Variants in LRFN5 observed in about 807,000 individuals in gnomAD.
The protein encoded by LRFN5 is leucine rich repeat and fibronectin type III domain containing 5, also known as leucine-rich repeat and fibronectin type-III domain-containing protein 5.
LRFN5 carries 24 observed loss-of-function variants against 45.6 expected under a neutral mutation model. The observed-to-expected ratio is 0.53, with a 90% CI of 0.38 to 0.74. The LOEUF (loss-of-function observed/expected upper bound fraction) is 0.74, where lower values mean the gene tolerates loss of function less well. LRFN5 is among the 30% of genes least tolerant of loss of function. LRFN5 has a pLI of 0.00. For synonymous variants in LRFN5, 340 were observed against 313.8 expected, an observed-to-expected ratio of 1.08 and a Z score of -0.88; for missense variants, 776 against 861.5, an observed-to-expected ratio of 0.90 and a Z score of 1.24.
intron 1 of LRFN5, among the ~76,000 whole-genome samples, chr14:41,723,911 C>T (rs6572108): frequency 0.23 from 34,436 of 152,128 alleles, 4,718 homozygotes; most frequent in South Asian, 0.4. Context: ...ATGTCCTGTT[C>T]TTGGTCCTGG....
At chr14:41,764,974 G>A (rs1411021075) in intron 1 of LRFN5, among the ~76,000 whole-genome samples, 2 of 152,068 alleles carry the variant, frequency 1.3e-5, no homozygotes, top group African/African-American at 4.8e-5. Flanking sequence ...TTACGCTTAT[G>A]GTAGATGTGC....
intron 2 of LRFN5, among the ~76,000 whole-genome samples, chr14:41,772,450 T>C (rs1439785829): frequency 6.6e-6 from 1 of 152,122 alleles, no homozygotes; most frequent in Non-Finnish European, 1.5e-5. Context: ...ACAAAAGCAA[T>C]ATGCTACCTA....
In LRFN5 at chr14:41,883,342, A is replaced by G. The variant is rs559957970; in HGVS notation, c.-20-3264A>G. On this transcript the variant is annotated intron_variant, in intron 2 of 5. Transcript: ENST00000298119. ...TATTTATTCCAGAAATACTATTTAT[A>G]AACACATTAAAATGCAATAAAATAT... Among the ~76,000 whole-genome samples, 6 of 108,074 alleles carry G rather than the reference A, an allele frequency of 5.6e-5. No individual in the cohort carries two copies. In the South Asian group the frequency reaches 2.3e-3, roughly 41 times the overall value. 70.9% of individuals were successfully genotyped at this position (108,074 alleles called of 152,430 possible).
At position 41,830,584 on chromosome 14, in the gene LRFN5, G is replaced by A. The variant is rs892969255; in HGVS notation, c.-20-56022G>A. ...GCTACTATAAATTTTGAAGAATAAA[G>A]AATGAATTATAGGAGATGAAGTCCA... is the stretch of plus-strand genomic sequence containing the variant. On this transcript the variant is annotated intron_variant, in intron 2 of 5. Coordinates refer to ENST00000298119, the MANE Select transcript of LRFN5 (RefSeq NM_152447.5). 4.6e-5 allele frequency among the ~76,000 whole-genome samples: 7 copies of A among 152,118 alleles called. 1 individual carries two copies. In the East Asian group the frequency reaches 1.3e-3, roughly 29 times the overall value.
chr14:41,673,983 C>T lies in LRFN5; in HGVS notation c.-197+65421C>T, dbSNP rs377627605. Among the ~76,000 whole-genome samples, 210 of 146,270 alleles carry T rather than the reference C, an allele frequency of 1.4e-3. 8 individuals carry two copies. In the East Asian group the frequency reaches 0.036, roughly 25 times the overall value. Reference sequence around the variant, plus strand: ...CCTCCCTCCCGGACGGGGTGGCTGCCGGGCGGAGACGCTGCTCACTTCCCA... The same window carrying T: ...CCTCCCTCCCGGACGGGGTGGCTGCTGGGCGGAGACGCTGCTCACTTCCCA... On this transcript the variant is annotated intron_variant, in intron 1 of 5. Coordinates refer to ENST00000298119, the MANE Select transcript of LRFN5 (RefSeq NM_152447.5).
intron 1 of LRFN5, among the ~76,000 whole-genome samples, chr14:41,715,907 T>C (rs1411449325): frequency 6.6e-6 from 1 of 152,206 alleles, no homozygotes; most frequent in Non-Finnish European, 1.5e-5. Context: ...ATGAGGGCCC[T>C]GCCCCTGCAG....
Position 41,819,647 on chromosome 14 carries a change from A to G in LRFN5, c.-21+52618A>G, listed in dbSNP as rs78557424. Among the ~76,000 whole-genome samples, 878 of 152,182 alleles carry G rather than the reference A, an allele frequency of 5.8e-3. 12 individuals are homozygous for G. The highest frequency in any genetic ancestry group is 0.02 in the African/African-American group (838 of 41,544). ...AAGGCAAAGTGAGAGCAGGCATCTC[A>G]TGGCCAGAGCAGGAGAAAGAGAGAG... On this transcript the variant is annotated intron_variant, in intron 2 of 5. Transcript: ENST00000298119.
chr14:41,889,012 T>C (rs952078866), intron 3 of LRFN5, among the ~76,000 whole-genome samples: 1 of 149,738 alleles, frequency 6.7e-6, no homozygotes, highest in Non-Finnish European at 1.5e-5. Context: ...CATATATATA[T>C]GTGTGTGTAT....
chr14:41,775,458 T>C (rs1461413899), intron 2 of LRFN5, among the ~76,000 whole-genome samples: 1 of 152,176 alleles, frequency 6.6e-6, no homozygotes, highest in Non-Finnish European at 1.5e-5. Context: ...CATAAATCCA[T>C]AATAAGAATC....
chr14:41,729,563 C>T (rs1269320023), intron 1 of LRFN5, among the ~76,000 whole-genome samples: 1 of 152,044 alleles, frequency 6.6e-6, no homozygotes, highest in Non-Finnish European at 1.5e-5. Context: ...TCCTCATTTT[C>T]ATAAACAATC....
intron 2 of LRFN5, among the ~76,000 whole-genome samples, chr14:41,803,512 A>G (rs1420381012): frequency 1.3e-5 from 2 of 148,902 alleles, no homozygotes; most frequent in Admixed American, 6.8e-5. Context: ...CCTTTGTGCC[A>G]GGATAGTTTT....
intron 1 of LRFN5, among the ~76,000 whole-genome samples, chr14:41,678,455 T>C (rs1263668608): frequency 6.6e-6 from 1 of 151,990 alleles, no homozygotes; most frequent in Non-Finnish European, 1.5e-5. Flanking sequence ...TAGTTGGGGA[T>C]TTCAATACCC....
intron 2 of LRFN5, among the ~76,000 whole-genome samples, chr14:41,819,395 T>G (rs1017459337): frequency 6.6e-6 from 1 of 152,204 alleles, no homozygotes; most frequent in Non-Finnish European, 1.5e-5. Context: ...TGATTTTGAT[T>G]TTTTAATAAC....
chr14:41,647,004 AGTAAAATTTGGT>A (rs369761336), intron 1 of LRFN5, among the ~76,000 whole-genome samples: 4 of 152,336 alleles, frequency 2.6e-5, no homozygotes, highest in Admixed American at 6.5e-5. Flanking sequence ...TCTGTGAGGA[AGTAAAATTTGGT>A]GAAAAATTTT....
intron 4 of LRFN5, chr14:41,894,318 T>C (rs1890871663): frequency 1.1e-6 from 1 of 911,140 alleles, no homozygotes; most frequent in Admixed American, 6.2e-5. Context: ...TGATTAAATA[T>C]CTTTCATTTC....
intron 2 of LRFN5, among the ~76,000 whole-genome samples, chr14:41,802,261 G>C (rs999738462): frequency 2.0e-5 from 3 of 152,118 alleles, no homozygotes; most frequent in African/African-American, 7.2e-5. Flanking sequence ...AAGACAAATG[G>C]GGATTTATAG....
intron 1 of LRFN5, among the ~76,000 whole-genome samples, chr14:41,690,897 C>T (rs1241511883): frequency 1.3e-5 from 2 of 151,896 alleles, no homozygotes; most frequent in East Asian, 1.9e-4. Flanking sequence ...TTTGATTGCT[C>T]ATATTTTGTG....
intron 1 of LRFN5, among the ~76,000 whole-genome samples, chr14:41,621,951 A>C (rs1354390121): frequency 6.6e-6 from 1 of 152,108 alleles, no homozygotes; most frequent in Admixed American, 6.6e-5. Flanking sequence ...AGAAAGTGGG[A>C]GAAAGAAACT....
At chr14:41,757,771 C>T (rs938260107) in intron 1 of LRFN5, among the ~76,000 whole-genome samples, 2 of 152,158 alleles carry the variant, frequency 1.3e-5, no homozygotes, top group Non-Finnish European at 2.9e-5. Context: ...GTACTGCACC[C>T]ACTGTCTGAC....
Sources: allele counts gnomAD v4.1 joint callset (sites outside exome capture counted in the v4.1 genomes callset), GRCh38; gene constraint gnomAD v4.1.1; transcripts MANE v1.5; gene names NCBI Gene and HGNC (gene_info 2026-07-23, HGNC 2026-07-21).